KSR2: variants seen among roughly 807,000 people sequenced by gnomAD.
KSR2 encodes kinase suppressor of ras 2.
A neutral mutation model predicts 107.8 loss-of-function variants in KSR2; 25 were observed. The ratio of observed to expected loss-of-function variants is 0.23; its 90% CI spans 0.17 to 0.32. KSR2 has a LOEUF of 0.32. Ranked by LOEUF, KSR2 falls within the 10% of genes least tolerant of loss-of-function variation. The probability of loss-of-function intolerance (pLI) is 1.00; values close to 1 mark genes in which losing one functional copy is unlikely to be tolerated. For missense variants in KSR2, 887 were observed against 1,268.9 expected, an observed-to-expected ratio of 0.70 and a Z score of 4.57; for synonymous variants, 480 against 507.0, an observed-to-expected ratio of 0.95 and a Z score of 0.71.
chr12:117,531,639 G>C, intron 11 of KSR2, 27 bp downstream of exon 11: 2 of 1,598,106 alleles, frequency 1.3e-6, no homozygotes, highest in Non-Finnish European at 1.7e-6. Flanking sequence ...TTCAGAAGGG[G>C]CTGCTTCCAG....
In KSR2 at chr12:117,496,579, G is replaced by A. The variant is rs553064491; in HGVS notation, c.2220-10888C>T. ...CTTTTGTTAAATGTACTGCCCTTGG[G>A]GGAAAAATCAGTGTATTTTAAAGAG... is the stretch of plus-strand genomic sequence containing the variant. On this transcript the variant is annotated intron_variant, in intron 14 of 19. Coordinates refer to ENST00000339824, the MANE Select transcript of KSR2 (RefSeq NM_173598.6). 2.6e-5 allele frequency among the ~76,000 whole-genome samples: 4 copies of A among 152,216 alleles called. No individual in the cohort carries two copies. In the East Asian group the frequency reaches 5.8e-4, roughly 22 times the overall value.
chr12:117,694,369 C>G (rs763106113), intron 4 of KSR2, among the ~76,000 whole-genome samples: 3 of 152,168 alleles, frequency 2.0e-5, no homozygotes, highest in Non-Finnish European at 4.4e-5. Flanking sequence ...CTCTCTCTTG[C>G]CTGCCACCAT....
At chr12:117,816,162 T>C (rs1201215399) in intron 3 of KSR2, among the ~76,000 whole-genome samples, 1 of 151,938 alleles carries the variant, frequency 6.6e-6, no homozygotes, top group Non-Finnish European at 1.5e-5. Flanking sequence ...GGAATGACAT[T>C]ATATGACTTA....
chr12:117,824,676 GA>G (rs1891677745), intron 3 of KSR2, among the ~76,000 whole-genome samples: 2 of 151,890 alleles, frequency 1.3e-5, no homozygotes, highest in Non-Finnish European at 2.9e-5. Context: ...CTAACACAGT[GA>G]AACCCTGTCT....
intron 5 of KSR2, among the ~76,000 whole-genome samples, chr12:117,604,286 C>T (rs1881110754): frequency 6.6e-6 from 1 of 152,146 alleles, no homozygotes; most frequent in African/African-American, 2.4e-5. Flanking sequence ...TGACTGGAGG[C>T]TACACTTCCC....
chr12:117,525,363 G>A (rs1447138685), intron 13 of KSR2, 144 bp from the exon 14 acceptor site: 1 of 929,178 alleles, frequency 1.1e-6, no homozygotes, highest in Non-Finnish European at 1.6e-6. Context: ...ACGTCCCTCT[G>A]TTTCCCCAGC....
chr12:117,749,435 A>G (rs1888535528), intron 4 of KSR2, among the ~76,000 whole-genome samples: 1 of 151,868 alleles, frequency 6.6e-6, no homozygotes, highest in South Asian at 2.1e-4. Flanking sequence ...AAATAACGAG[A>G]GGAAGGCAGG....
chr12:117,819,023 TG>T (rs1449511991), intron 3 of KSR2, among the ~76,000 whole-genome samples: 7 of 152,020 alleles, frequency 4.6e-5, no homozygotes, highest in Non-Finnish European at 5.9e-5. Flanking sequence ...TCCAGAGCAT[TG>T]CTCACCCTGG....
At chr12:117,686,170 T>G (rs1000692185) in intron 4 of KSR2, among the ~76,000 whole-genome samples, 3 of 150,858 alleles carry the variant, frequency 2.0e-5, no homozygotes, top group African/African-American at 7.4e-5. Flanking sequence ...TGTCTCAGTC[T>G]TCTCAGTAGC....
At chr12:117,957,522 G>A (rs758042486) in intron 1 of KSR2, among the ~76,000 whole-genome samples, 8 of 152,016 alleles carry the variant, frequency 5.3e-5, no homozygotes, top group African/African-American at 1.7e-4. Context: ...AGCAGCACAC[G>A]GTGGGCAAGA....
chr12:117,782,772 C>A (rs1312843914), intron 3 of KSR2, among the ~76,000 whole-genome samples: 1 of 152,088 alleles, frequency 6.6e-6, no homozygotes, highest in African/African-American at 2.4e-5. Flanking sequence ...ACCCAGAGTT[C>A]CTCTTATTTC....
intron 1 of KSR2, among the ~76,000 whole-genome samples, chr12:117,958,943 G>A (rs577658826): frequency 6.6e-6 from 1 of 152,132 alleles, no homozygotes; most frequent in East Asian, 1.9e-4. Flanking sequence ...AGTGAGTACA[G>A]TAAACAATAA....
chr12:117,534,544 T>G (rs1202283656), intron 10 of KSR2, among the ~76,000 whole-genome samples: 3 of 152,128 alleles, frequency 2.0e-5, no homozygotes, highest in African/African-American at 7.2e-5. Flanking sequence ...ATGCATATGT[T>G]TATTTGGTTA....
intron 5 of KSR2, among the ~76,000 whole-genome samples, chr12:117,638,797 G>A (rs1883224602): frequency 1.3e-5 from 2 of 151,932 alleles, no homozygotes; most frequent in South Asian, 2.1e-4. Context: ...ATTTTATCAG[G>A]GCTGGAACTA....
At chr12:117,480,021 C>CGTGT (rs1565865803) in intron 16 of KSR2, among the ~76,000 whole-genome samples, 64 of 108,924 alleles carry the variant, frequency 5.9e-4, no homozygotes, top group South Asian at 5.1e-3. Flanking sequence ...AATCATTACA[C>CGTGT]ATGTGTATGT....
chr12:117,501,246 TCA>T (rs1873359438), intron 14 of KSR2, among the ~76,000 whole-genome samples: 1 of 152,262 alleles, frequency 6.6e-6, no homozygotes, highest in Non-Finnish European at 1.5e-5. Context: ...ACAGCTGTTT[TCA>T]TGTTAAAATA....
intron 3 of KSR2, among the ~76,000 whole-genome samples, chr12:117,794,017 CACTCACACCA>C (rs1890448284): frequency 9.9e-6 from 1 of 101,450 alleles, no homozygotes; most frequent in Admixed American, 1.0e-4. Context: ...CCAACATGCA[CACTCACACCA>C]ACATGCACAC....
At chr12:117,793,305 A>G (rs551809730) in intron 3 of KSR2, among the ~76,000 whole-genome samples, 7 of 140,804 alleles carry the variant, frequency 5.0e-5, no homozygotes, top group African/African-American at 1.6e-4. Context: ...TACACACAAC[A>G]TGCACACACC....
At chr12:117,506,905 C>A (rs1186047051) in intron 14 of KSR2, among the ~76,000 whole-genome samples, 1 of 151,644 alleles carries the variant, frequency 6.6e-6, no homozygotes, top group Non-Finnish European at 1.5e-5. Context: ...AAGATCCAAC[C>A]CAGATTCACT....
Sources: gnomAD v4.1 joint callset for allele counts (sites outside exome capture counted in the v4.1 genomes callset) on GRCh38, gnomAD v4.1.1 for gene constraint, MANE v1.5 for transcripts, NCBI Gene and HGNC (gene_info 2026-07-23, HGNC 2026-07-21) for gene names.